Variants in TRIP13 observed in about 807,000 individuals in gnomAD.
TRIP13 encodes the protein thyroid hormone receptor interactor 13, also known as pachytene checkpoint protein 2 homolog.
A neutral mutation model predicts 54.4 loss-of-function variants in TRIP13; 25 were observed. The ratio of observed to expected loss-of-function variants is 0.46; its 90% CI spans 0.33 to 0.64. The LOEUF is 0.64. Ranked by LOEUF, TRIP13 falls within the 30% of genes least tolerant of loss-of-function variation. The pLI is 0.02. For synonymous variants in TRIP13, 207 were observed against 207.8 expected, an observed-to-expected ratio of 1.00 and a Z score of 0.03; for missense variants, 373 against 534.2, an observed-to-expected ratio of 0.70 and a Z score of 2.97.
Position 892,885 on chromosome 5 carries a change from G to C in TRIP13, c.-114G>C, listed in dbSNP as rs945810604. 3.5e-6 allele frequency: 4 copies of C among 1,148,364 alleles called. No individual in the cohort carries two copies. In the African/African-American group the frequency reaches 6.6e-5, roughly 19 times the overall value. The allele number at this position is 1,148,364 out of a possible 1,614,324, so 71.1% of individuals were successfully genotyped here. ...AGGAGGTGGTGCGCCTCGCGCGGCA[G>C]ATTCGAAGCTAGGGCGGGGCCCGCG... On this transcript the variant is annotated 5_prime_UTR_variant, in exon 1 of 13. Transcript: ENST00000166345.
intron 4 of TRIP13, 69 bp downstream of exon 4, chr5:900,618 A>C: frequency 6.4e-7 from 1 of 1,557,214 alleles, no homozygotes; most frequent in Non-Finnish European, 8.7e-7. Flanking sequence ...TTTGCTCTCC[A>C]ACACCCCTGA....
rs535045642 is a variant in TRIP13, at chr5:916,027, C to T, written c.1203+54C>T. On this transcript the variant is annotated intron_variant, in intron 12 of 12. Coordinates refer to ENST00000166345, the MANE Select transcript of TRIP13 (RefSeq NM_004237.4). ...CCGCCCTGTCCACAGGTCTCAGCCTCGCCGGAGATTCCGCTTAGTAGCCCT... is the reference window on the plus strand; with the variant it reads ...CCGCCCTGTCCACAGGTCTCAGCCTTGCCGGAGATTCCGCTTAGTAGCCCT... 19 of 1,561,910 alleles carry T rather than the reference C, an allele frequency of 1.2e-5. No homozygotes were observed. In the African/African-American group the frequency reaches 1.8e-4, roughly 14 times the overall value.
downstream of TRIP13, among the ~76,000 whole-genome samples, chr5:918,586 G>A (rs1292391565): frequency 6.6e-6 from 1 of 152,148 alleles, no homozygotes; most frequent in Non-Finnish European, 1.5e-5. The surrounding 1 kb of genome is among the most constrained non-coding windows in gnomAD (Gnocchi z 4.3). Flanking sequence ...GTGTATTAGG[G>A]TTCTCTAGAG....
chr5:894,763 G>T, intron 1 of TRIP13, 24 bp from the exon 2 acceptor site: 1 of 1,579,566 alleles, frequency 6.3e-7, no homozygotes, highest in East Asian at 2.3e-5. Flanking sequence ...GATCATTTAT[G>T]TGTGTTTTGG....
chr5:899,950 G>A (rs1753945915), intron 3 of TRIP13, among the ~76,000 whole-genome samples: 1 of 147,350 alleles, frequency 6.8e-6, no homozygotes, highest in Non-Finnish European at 1.5e-5. Flanking sequence ...GGATTTGGAT[G>A]GGCTCTAGCA....
At position 917,061 on chromosome 5, in the gene TRIP13, C is replaced by T. The variant is rs774804423; in HGVS notation, c.1257C>T (p.Asp419=). ...TCCAGGCCCTGTCTCTGGCAGTGGA[C>T]AAGCAGTTTGAAGAGAGAAAGAAGC... is the stretch of plus-strand genomic sequence containing the variant. ...GFLQALSLAV[D]KQFEERKKLA... Residue 419 remains aspartate, a synonymous_variant, in exon 13 of 13, where the codon GAC becomes GAT. Coordinates refer to ENST00000166345, the MANE Select transcript of TRIP13 (RefSeq NM_004237.4). 8 of 1,614,014 alleles carry T rather than the reference C, an allele frequency of 5.0e-6. No homozygotes were observed. The African/African-American group carries it at 8.0e-5, about 16-fold the overall frequency.
rs1753922870 is a variant in TRIP13, at chr5:896,700, C to T, written c.294C>T (p.His98=). 1 of 1,613,886 alleles carries T rather than the reference C, an allele frequency of 6.2e-7. No individual in the cohort carries two copies. The highest frequency in any genetic ancestry group is 8.5e-7 in the Non-Finnish European group (1 of 1,179,844). ...IDLSACTVAL[H]IFQLNEDGPS... is the part of the protein sequence containing the mutation. Reference sequence around the variant, plus strand: ...TGAGTGCATGCACTGTTGCACTTCACATTTTCCAGCTGAATGAAGATGGCC... The same window carrying T: ...TGAGTGCATGCACTGTTGCACTTCATATTTTCCAGCTGAATGAAGATGGCC... The change falls in exon 3 of 13, where the codon CAC becomes CAT. Residue 98 remains histidine (H), a synonymous_variant. Transcript: ENST00000166345.
intron 3 of TRIP13, 94 bp from the exon 4 acceptor site, chr5:900,400 G>A: frequency 4.9e-6 from 6 of 1,233,868 alleles, no homozygotes; most frequent in Non-Finnish European, 7.0e-6. Context: ...GCAGCACAAT[G>A]GGAAGCTCAG....
At chr5:903,069 C>T (rs1410820395) in intron 5 of TRIP13, among the ~76,000 whole-genome samples, 3 of 152,100 alleles carry the variant, frequency 2.0e-5, no homozygotes, top group Admixed American at 6.5e-5. Context: ...TGGATGACTG[C>T]GGGCGGGTCT....
rs1754220866 is a variant in TRIP13, at chr5:911,072, T to C, written c.867-771T>C. Among the ~76,000 whole-genome samples, 1 of 152,258 alleles carries C rather than the reference T, an allele frequency of 6.6e-6. No homozygotes were observed. Among genetic ancestry groups the C allele is most frequent in the Admixed American group, 6.5e-5 (1 of 15,290 alleles). On this transcript the variant is annotated intron_variant, in intron 9 of 12. Coordinates refer to ENST00000166345, the MANE Select transcript of TRIP13 (RefSeq NM_004237.4). This position sits in a 1 kb window ranked among gnomAD's most constrained non-coding sequence, Gnocchi z 4.7. ...TTGTGCCCGCTCTGCTGGCTCATGC[T>C]GGGTCCTTGGGGGACATTGGTCAAC...
intron 12 of TRIP13, among the ~76,000 whole-genome samples, chr5:916,429 G>A (rs895180082): frequency 5.9e-5 from 9 of 152,352 alleles, no homozygotes; most frequent in South Asian, 4.1e-4. Flanking sequence ...TAAGGACTCA[G>A]TGTCTGGCAG....
Position 893,075 on chromosome 5 carries a change from A to C in TRIP13, c.77A>C (p.His26Pro). 1 of 1,596,584 alleles carries C rather than the reference A, an allele frequency of 6.3e-7. No homozygotes were observed. Residue 26 changes from histidine (H) to proline (P), a missense_variant, in exon 1 of 13, where the codon CAT becomes CCT. By Grantham distance (77) the His-to-Pro change is moderately conservative. This residue lies in a region of TRIP13 where 151 missense variants were observed against 151.9 expected (regional missense o/e 0.99). Transcript: ENST00000166345. ...AESPTVHVEV[H>P]QRGSSTAKKE... Reference sequence around the variant, plus strand: ...TCGCCAACGGTCCACGTGGAGGTGCATCAGCGCGGCAGCAGGTGAGCCGGA... The same window carrying C: ...TCGCCAACGGTCCACGTGGAGGTGCCTCAGCGCGGCAGCAGGTGAGCCGGA...
At position 913,989 on chromosome 5, in the gene TRIP13, TCAGA is replaced by T. The variant is rs138282268; in HGVS notation, c.1021-473_1021-470del. 0.013 allele frequency among the ~76,000 whole-genome samples: 2,044 copies of T among 152,214 alleles called. 39 individuals carry two copies. Among genetic ancestry groups the T allele is most frequent in the African/African-American group, 0.042 (1,760 of 41,524 alleles). On this transcript the variant is annotated intron_variant, in intron 10 of 12. Transcript: ENST00000166345. The surrounding 1 kb of genome is among the most constrained non-coding windows in gnomAD (Gnocchi z 4.5). ...TTCTGGTGCTCAGCTCCTCGGTCAG[TCAGA>T]CACTGTCATGCTGCCAAACAAGCCT...
intron 3 of TRIP13, among the ~76,000 whole-genome samples, chr5:899,872 G>A (rs1753944313): frequency 8.1e-6 from 1 of 123,292 alleles, no homozygotes; most frequent in Non-Finnish European, 1.6e-5. Flanking sequence ...GGGGAAACAG[G>A]TGGATTTGGA....
At position 892,978 on chromosome 5, in the gene TRIP13, C is replaced by T. The variant is rs989805309; in HGVS notation, c.-21C>T. 1.3e-6 allele frequency: 2 copies of T among 1,540,254 alleles called. No homozygotes were observed. The highest frequency in any genetic ancestry group is 2.5e-5 in the East Asian group (1 of 39,892). ...GCGGCGGCCGCGCCCTGGTTGGGTCCCCACTGCTCTCGGGGGCGCCATGGA... is the reference window on the plus strand; with the variant it reads ...GCGGCGGCCGCGCCCTGGTTGGGTCTCCACTGCTCTCGGGGGCGCCATGGA... On this transcript the variant is annotated 5_prime_UTR_variant, in exon 1 of 13. Coordinates refer to ENST00000166345, the MANE Select transcript of TRIP13 (RefSeq NM_004237.4).
At chr5:893,113 A>G (rs1753715953) in intron 1 of TRIP13, 23 bp downstream of exon 1, 4 of 1,564,668 alleles carry the variant, frequency 2.6e-6, no homozygotes, top group Non-Finnish European at 2.6e-6. Flanking sequence ...TGTCCGACAC[A>G]TCCTCTGGGC....
At position 912,697 on chromosome 5, in the gene TRIP13, G is replaced by A. The variant is rs574874260; in HGVS notation, c.1020+701G>A. ...CGCCATGGGCACAGTGACGCGTGTG[G>A]TGAGTGTGCGTGAGTCTGGAACGCC... On this transcript the variant is annotated intron_variant, in intron 10 of 12. Transcript: ENST00000166345. This position sits in a 1 kb window ranked among gnomAD's most constrained non-coding sequence, Gnocchi z 7.2. Among the ~76,000 whole-genome samples, 5 of 151,860 alleles carry A rather than the reference G, an allele frequency of 3.3e-5. No individual in the cohort carries two copies. The East Asian group carries it at 9.7e-4, about 30-fold the overall frequency.
At chr5:894,680 A>G (rs1469925126) in intron 1 of TRIP13, 107 bp from the exon 2 acceptor site, 1 of 1,315,344 alleles carries the variant, frequency 7.6e-7, no homozygotes, top group Non-Finnish European at 1.0e-6. Flanking sequence ...TTACCCTGTT[A>G]ACTACTGGGC....
chr5:896,309 G>A (rs1049102669), intron 2 of TRIP13, among the ~76,000 whole-genome samples: 9 of 151,958 alleles, frequency 5.9e-5, no homozygotes, highest in Non-Finnish European at 1.0e-4. Context: ...GCAAGATCCC[G>A]TTGCAAAAAA....
Sources: allele counts gnomAD v4.1 joint callset (sites outside exome capture counted in the v4.1 genomes callset), GRCh38; gene constraint gnomAD v4.1.1; regional missense constraint gnomAD v4.1.1; non-coding constraint Gnocchi (gnomAD v3.1); transcripts MANE v1.5; gene names NCBI Gene and HGNC (gene_info 2026-07-23, HGNC 2026-07-21).